Variants in ESRRG observed in about 807,000 individuals in gnomAD.
ESRRG encodes the protein estrogen-related receptor gamma.
ESRRG carries 13 observed loss-of-function variants against 44.0 expected under a neutral mutation model. The ratio of observed to expected loss-of-function variants is 0.30; its 90% CI spans 0.19 to 0.47. The LOEUF (loss-of-function observed/expected upper bound fraction) is 0.47, where lower values mean the gene tolerates loss of function less well. ESRRG is among the 20% of genes least tolerant of loss of function. The probability of loss-of-function intolerance (pLI) is 1.00; values close to 1 mark genes in which losing one functional copy is unlikely to be tolerated. For synonymous variants in ESRRG, 215 were observed against 214.6 expected (o/e 1.00, Z -0.02); for missense variants, 395 against 580.6 (o/e 0.68, Z 3.29).
At chr1:216,787,314 C>T (rs970521759) in intron 2 of ESRRG, among the ~76,000 whole-genome samples, 1 of 151,812 alleles carries the variant, frequency 6.6e-6, no homozygotes, top group Non-Finnish European at 1.5e-5. Context: ...ATTTAAAAAC[C>T]CCAAAAAAGG....
chr1:217,111,201 T>A (rs1190116262), intron 1 of ESRRG, among the ~76,000 whole-genome samples: 1 of 152,066 alleles, frequency 6.6e-6, no homozygotes, highest in African/African-American at 2.4e-5. Flanking sequence ...GGGCCCCCCT[T>A]ATCACTTCTT....
At chr1:216,645,996 G>T (rs1320314393) in intron 3 of ESRRG, among the ~76,000 whole-genome samples, 1 of 151,526 alleles carries the variant, frequency 6.6e-6, no homozygotes, top group South Asian at 2.1e-4. Flanking sequence ...TGGGACATTA[G>T]CTTTCTCCTC....
intron 3 of ESRRG, among the ~76,000 whole-genome samples, chr1:216,569,941 C>T (rs533564459): frequency 7.9e-5 from 12 of 152,178 alleles, no homozygotes; most frequent in East Asian, 7.7e-4. Context: ...TTTTGGAATA[C>T]CGATTAATGT....
intron 1 of ESRRG, among the ~76,000 whole-genome samples, chr1:216,717,657 T>C (rs746888735): frequency 6.6e-6 from 1 of 151,832 alleles, no homozygotes; most frequent in Non-Finnish European, 1.5e-5. Flanking sequence ...GCATAAGTGC[T>C]TTCTCTCAAC....
intron 1 of ESRRG, among the ~76,000 whole-genome samples, chr1:216,950,622 C>T (rs2066796532): frequency 6.6e-6 from 1 of 152,108 alleles, no homozygotes; most frequent in Admixed American, 6.5e-5. Context: ...AAGTAAAGAC[C>T]TAGGTTGAGT....
intron 1 of ESRRG, among the ~76,000 whole-genome samples, chr1:217,046,879 G>A (rs960647996): frequency 1.3e-4 from 19 of 147,596 alleles, no homozygotes; most frequent in Non-Finnish European, 2.0e-4. Flanking sequence ...GTGAGATCCT[G>A]TCTCATAAAA....
At chr1:216,661,554 C>T (rs1009871956) in intron 2 of ESRRG, among the ~76,000 whole-genome samples, 2 of 152,104 alleles carry the variant, frequency 1.3e-5, no homozygotes, top group Admixed American at 6.6e-5. Context: ...TTTTGCAGAC[C>T]GGTACAAGTC....
At chr1:216,902,475 C>G (rs1022022566) in intron 2 of ESRRG, among the ~76,000 whole-genome samples, 4 of 148,474 alleles carry the variant, frequency 2.7e-5, no homozygotes, top group African/African-American at 1.0e-4. Context: ...GCAACAGAGT[C>G]TCGAAAAAAA....
chr1:216,882,718 C>T (rs1409209598), intron 2 of ESRRG, among the ~76,000 whole-genome samples: 1 of 151,834 alleles, frequency 6.6e-6, no homozygotes, highest in African/African-American at 2.4e-5. Context: ...TTTAAACACA[C>T]TAAAAAGAAA....
intron 1 of ESRRG, among the ~76,000 whole-genome samples, chr1:217,102,481 A>G (rs2092531142): frequency 6.6e-6 from 1 of 152,212 alleles, no homozygotes; most frequent in South Asian, 2.1e-4. Flanking sequence ...CCTGTAGTGT[A>G]TGAGTTGCCA....
intron 2 of ESRRG, among the ~76,000 whole-genome samples, chr1:216,779,471 T>A (rs2093813575): frequency 2.1e-5 from 1 of 46,806 alleles, no homozygotes; most frequent in Non-Finnish European, 3.5e-5. Flanking sequence ...TATAAATATA[T>A]ATTTATAAAT....
intron 3 of ESRRG, among the ~76,000 whole-genome samples, chr1:216,572,019 C>T (rs1370479199): frequency 2.0e-5 from 3 of 152,110 alleles, no homozygotes; most frequent in Non-Finnish European, 2.9e-5. Context: ...CAAAAGCAGG[C>T]TAATATTTCC....
rs78405462 is a variant in ESRRG at position 216,892,930 on chromosome 1, T to A, written c.-14+46652A>T. On this transcript the variant is annotated intron_variant, in intron 2 of 7. Coordinates refer to the ESRRG transcript ENST00000359162. ...CTTGCCTTGTTTTAAGGCGATTTTC[T>A]TCAGATAAAGGTTACCGTGATCAGT... is the stretch of plus-strand genomic sequence containing the variant. 4.4e-4 allele frequency among the ~76,000 whole-genome samples: 67 copies of A among 152,250 alleles called. 2 individuals are homozygous for A. In the East Asian group the frequency reaches 0.013, roughly 29 times the overall value.
At chr1:216,549,669 A>C (rs547857240) in intron 5 of ESRRG, among the ~76,000 whole-genome samples, 1 of 152,268 alleles carries the variant, frequency 6.6e-6, no homozygotes, top group South Asian at 2.1e-4. Flanking sequence ...CACTGCATAC[A>C]TGCACGTCTT....
chr1:217,137,046 G>T (rs1283380645), intron 1 of ESRRG, among the ~76,000 whole-genome samples: 3 of 152,114 alleles, frequency 2.0e-5, no homozygotes, highest in Non-Finnish European at 4.4e-5. Context: ...CGTCCCGTGG[G>T]CCTAAAGCGA....
chr1:217,001,641 G>A (rs192324474), intron 1 of ESRRG, among the ~76,000 whole-genome samples: 95 of 152,208 alleles, frequency 6.2e-4, no homozygotes, highest in Admixed American at 2.2e-3. Context: ...CTAAGATAAC[G>A]GCAAGTCTGG....
chr1:216,533,479 T>C (rs944044899), intron 5 of ESRRG, among the ~76,000 whole-genome samples: 2 of 152,144 alleles, frequency 1.3e-5, no homozygotes, highest in African/African-American at 4.8e-5. Context: ...TCTCAGAGCC[T>C]GCATTTATTT....
chr1:216,845,969 G>T (rs1460044279), intron 2 of ESRRG, among the ~76,000 whole-genome samples: 1 of 152,064 alleles, frequency 6.6e-6, no homozygotes, highest in East Asian at 1.9e-4. Context: ...TCTACAGAAG[G>T]CTCCCAGTGT....
At chr1:217,018,646 T>G (rs2079812673) in intron 1 of ESRRG, among the ~76,000 whole-genome samples, 1 of 152,154 alleles carries the variant, frequency 6.6e-6, no homozygotes, top group East Asian at 1.9e-4. Context: ...AATATACAAT[T>G]TCTTACCTCT....
Sources: allele counts gnomAD v4.1 joint callset (sites outside exome capture counted in the v4.1 genomes callset), GRCh38; gene constraint gnomAD v4.1.1; transcripts MANE v1.5; gene names NCBI Gene and HGNC (gene_info 2026-07-23, HGNC 2026-07-21).